The following SPOCK1 variants were observed in gnomAD, a reference collection of about 807,000 sequenced individuals.
The protein encoded by SPOCK1 is testican-1.
Under a neutral mutation model 55.3 loss-of-function variants are expected in SPOCK1, and 23 were observed. That is an observed-to-expected ratio of 0.42 (90% CI 0.30 to 0.59). The LOEUF (loss-of-function observed/expected upper bound fraction) is 0.59. SPOCK1 is among the 20% of genes least tolerant of loss of function. The pLI is 0.22. For missense variants in SPOCK1, 499 were observed against 552.5 expected (o/e 0.90, Z 0.97); for synonymous variants, 226 against 221.0 (o/e 1.02, Z -0.20).
At chr5:137,161,478 G>C (rs968060933) in intron 3 of SPOCK1, among the ~76,000 whole-genome samples, 1 of 151,944 alleles carries the variant, frequency 6.6e-6, no homozygotes, top group Non-Finnish European at 1.5e-5. Context: ...GGTTTCTTTG[G>C]GCTCCAACGG....
At chr5:137,434,480 CTTTTTTTT>C (rs146762668) in intron 2 of SPOCK1, among the ~76,000 whole-genome samples, 6 of 68,188 alleles carry the variant, frequency 8.8e-5, no homozygotes, top group Non-Finnish European at 1.3e-4. Context: ...TCTTTTTTTT[CTTTTTTTT>C]TTTTTTTTTT....
intron 3 of SPOCK1, among the ~76,000 whole-genome samples, chr5:137,201,980 T>G (rs1755434689): frequency 6.6e-6 from 1 of 152,230 alleles, no homozygotes; most frequent in Non-Finnish European, 1.5e-5. Context: ...GATGTGGCAC[T>G]GGTACCAAGT....
intron 3 of SPOCK1, among the ~76,000 whole-genome samples, chr5:137,246,363 T>C (rs1466992989): frequency 6.6e-6 from 1 of 152,226 alleles, no homozygotes; most frequent in Non-Finnish European, 1.5e-5. Context: ...CTATTACTAT[T>C]GTCATTAGGA....
intron 2 of SPOCK1, among the ~76,000 whole-genome samples, chr5:137,464,134 T>C (rs1753550274): frequency 6.6e-6 from 1 of 151,900 alleles, no homozygotes; most frequent in African/African-American, 2.4e-5. Flanking sequence ...TTCCATCTCT[T>C]AAATAAAAAT....
intron 2 of SPOCK1, among the ~76,000 whole-genome samples, chr5:137,357,615 A>G (rs562309397): frequency 2.0e-5 from 3 of 152,180 alleles, no homozygotes; most frequent in Non-Finnish European, 2.9e-5. Flanking sequence ...CCACATGCAC[A>G]TATGGGGAAC....
intron 3 of SPOCK1, among the ~76,000 whole-genome samples, chr5:137,151,828 C>T (rs901874024): frequency 3.3e-5 from 5 of 152,180 alleles, no homozygotes; most frequent in Admixed American, 3.3e-4. Context: ...AGCTACAAAG[C>T]ATTTGCAGTT....
chr5:137,460,777 C>T (rs1753472451), intron 2 of SPOCK1, among the ~76,000 whole-genome samples: 2 of 152,186 alleles, frequency 1.3e-5, no homozygotes, highest in Admixed American at 6.5e-5. Flanking sequence ...AATTCTACCA[C>T]ACTGCTGCCC....
At chr5:137,030,727 A>T (rs1019707249) in intron 6 of SPOCK1, among the ~76,000 whole-genome samples, 1 of 152,196 alleles carries the variant, frequency 6.6e-6, no homozygotes, top group Non-Finnish European at 1.5e-5. Flanking sequence ...TATACTTTTG[A>T]TGTGTAATTT....
intron 3 of SPOCK1, among the ~76,000 whole-genome samples, chr5:137,229,452 T>C (rs549509334): frequency 8.9e-4 from 135 of 152,218 alleles, no homozygotes; most frequent in African/African-American, 3.2e-3. Flanking sequence ...AGGCCCCCAG[T>C]CACTCCTTTT....
chr5:137,239,461 G>C (rs953652635), intron 3 of SPOCK1, among the ~76,000 whole-genome samples: 5 of 152,198 alleles, frequency 3.3e-5, no homozygotes, highest in African/African-American at 1.2e-4. Context: ...TATTGAACAT[G>C]AGACGGGAGG....
Position 137,456,261 on chromosome 5 carries a change from C to T in SPOCK1, c.186+42112G>A, listed in dbSNP as rs187213245. Among the ~76,000 whole-genome samples the T allele has an allele frequency of 2.6e-5, 4 of 152,288 alleles. No homozygotes were observed. The East Asian group carries it at 7.7e-4, about 29-fold the overall frequency. ...ATTTCTCAGGAGATTCCTGCTCGAT[C>T]CAGTGCTCACAGCTTTCCTTTGGAC... On this transcript the variant is annotated intron_variant, in intron 2 of 10. Transcript: ENST00000394945.
rs1755419263 is a variant in SPOCK1, at chr5:137,201,166, A to G, written c.233-60472T>C. On this transcript the variant is annotated intron_variant, in intron 3 of 10. Transcript: ENST00000394945. ...ATTGAGTGAAGGATCTGATTGACAG[A>G]AAAGGAGAGGAATTAATTCATCAGA... Among the ~76,000 whole-genome samples the G allele has an allele frequency of 2.0e-5, 3 of 152,202 alleles. No individual in the cohort carries two copies. In the South Asian group the frequency reaches 6.2e-4, roughly 32 times the overall value.
rs748559574 is a variant in SPOCK1, at chr5:137,412,902, G to A, written c.186+85471C>T. Among the ~76,000 whole-genome samples the A allele has an allele frequency of 1.1e-4, 17 of 152,014 alleles. 1 individual carries two copies. The highest frequency in any genetic ancestry group is 2.1e-4 in the Non-Finnish European group (14 of 68,026). On this transcript the variant is annotated intron_variant, in intron 2 of 10. Coordinates refer to ENST00000394945, the MANE Select transcript of SPOCK1 (RefSeq NM_004598.4). ...AACAGAAGACTTGGAAGATAAATGA[G>A]AGTCCAAGTGTACTCTGATTATCTG...
chr5:137,159,364 G>A (rs554824804), intron 3 of SPOCK1, among the ~76,000 whole-genome samples: 10 of 152,236 alleles, frequency 6.6e-5, no homozygotes, highest in African/African-American at 1.9e-4. Flanking sequence ...TCCAAGTAAA[G>A]CTAATTAGGA....
chr5:137,469,643 A>G (rs1240171171), intron 2 of SPOCK1, among the ~76,000 whole-genome samples: 1 of 152,204 alleles, frequency 6.6e-6, no homozygotes, highest in Non-Finnish European at 1.5e-5. Flanking sequence ...GTACTTCTCC[A>G]GAGAATCATT....
intron 2 of SPOCK1, among the ~76,000 whole-genome samples, chr5:137,453,345 C>T (rs946029865): frequency 6.6e-6 from 1 of 152,082 alleles, no homozygotes; most frequent in Non-Finnish European, 1.5e-5. Context: ...TTGTCAATTC[C>T]CTGTGTGCTC....
intron 2 of SPOCK1, among the ~76,000 whole-genome samples, chr5:137,422,958 G>A (rs1752533570): frequency 6.6e-6 from 1 of 151,564 alleles, no homozygotes; most frequent in Non-Finnish European, 1.5e-5. Context: ...TACAGATGGG[G>A]TTTTGGTGTG....
At chr5:137,239,647 G>A (rs1756246036) in intron 3 of SPOCK1, among the ~76,000 whole-genome samples, 1 of 152,124 alleles carries the variant, frequency 6.6e-6, no homozygotes, top group Non-Finnish European at 1.5e-5. Flanking sequence ...AATGTCCACA[G>A]AGAATCAAAG....
At chr5:137,313,360 T>C in intron 2 of SPOCK1, 1 of 964,766 alleles carries the variant, frequency 1.0e-6, no homozygotes, top group Non-Finnish European at 1.2e-6. Flanking sequence ...GAGCCAGACA[T>C]TGACAGGACA....
Sources: gnomAD v4.1 joint callset for allele counts (sites outside exome capture counted in the v4.1 genomes callset) on GRCh38, gnomAD v4.1.1 for gene constraint, MANE v1.5 for transcripts, NCBI Gene and HGNC (gene_info 2026-07-23, HGNC 2026-07-21) for gene names.